FBN3: variants seen among roughly 807,000 people sequenced by gnomAD.
The protein encoded by FBN3 is fibrillin 3.
Under a neutral mutation model 330.1 loss-of-function variants are expected in FBN3, and 234 were observed. The observed-to-expected ratio is 0.71, with a 90% CI of 0.64 to 0.79. The LOEUF is 0.79. Ranked by LOEUF, FBN3 falls within the 30% of genes least tolerant of loss-of-function variation. FBN3 has a pLI of 0.00. For missense variants in FBN3, 3,606 were observed against 3,886.9 expected (o/e 0.93, Z 1.92); for synonymous variants, 1,458 against 1,517.3 (o/e 0.96, Z 0.91).
Position 8,116,881 on chromosome 19 carries a change from C to T in FBN3, c.3587-82G>A, listed in dbSNP as rs576198132. On this transcript the variant is annotated intron_variant, in intron 28 of 63. Coordinates refer to ENST00000600128, the MANE Select transcript of FBN3 (RefSeq NM_032447.5). Reference sequence around the variant, plus strand: ...CACATCTGCTCCCCAGGCCCCAGGACGACCTGTAGCCAGGTGAGGATAGCG... The same window carrying T: ...CACATCTGCTCCCCAGGCCCCAGGATGACCTGTAGCCAGGTGAGGATAGCG... 24 of 1,516,840 alleles carry T rather than the reference C, an allele frequency of 1.6e-5. 1 individual carries two copies. The South Asian group carries it at 2.0e-4, about 13-fold the overall frequency. 94.0% of individuals were successfully genotyped at this position (1,516,840 alleles called of 1,614,324 possible). A position where few individuals can be genotyped will look rare whatever the true frequency, so the allele number is the denominator to read the frequency against.
In FBN3 at chr19:8,109,803, C is replaced by T. The variant is rs566841368; in HGVS notation, c.4334-50G>A. ...AGCAGGGAGCCCCTTCCTCGGCCCC[C>T]CTCCCTCCTAGCTTCATCCTGGGAA... is the stretch of plus-strand genomic sequence containing the variant. On this transcript the variant is annotated intron_variant, in intron 34 of 63. Coordinates refer to ENST00000600128, the MANE Select transcript of FBN3 (RefSeq NM_032447.5). The surrounding 1 kb of genome is among the most constrained non-coding windows in gnomAD (Gnocchi z 5.2). 2.2e-5 allele frequency: 32 copies of T among 1,445,764 alleles called. No homozygotes were observed. The South Asian group carries it at 5.2e-4, about 23-fold the overall frequency. The allele number at this position is 1,445,764 out of a possible 1,614,324, so 89.6% of individuals were successfully genotyped here.
At position 8,133,112 on chromosome 19, in the gene FBN3, G is replaced by A. The variant is rs746121440; in HGVS notation, c.1592-6C>T. ...GGTGGCACACTCGTTGTGGTCTGGG[G>A]ACAACAGCAGAGGCTGGGTCCAGGC... On this transcript the variant is annotated splice_region_variant and splice_polypyrimidine_tract_variant and intron_variant, in intron 13 of 63. Transcript: ENST00000600128. The A allele has an allele frequency of 2.6e-6, 4 of 1,567,406 alleles. No individual in the cohort carries two copies. The highest frequency in any genetic ancestry group is 3.5e-6 in the Non-Finnish European group (4 of 1,157,390).
rs2082535833 is a variant in FBN3 at position 8,109,774 on chromosome 19, C to T, written c.4334-21G>A. ...GATGTCTGTAGGGAGGAAGCGCGGT[C>T]CTCAGCAGGGAGCCCCTTCCTCGGC... is the stretch of plus-strand genomic sequence containing the variant. On this transcript the variant is annotated intron_variant, in intron 34 of 63. Transcript: ENST00000600128. The surrounding 1 kb of genome is among the most constrained non-coding windows in gnomAD (Gnocchi z 5.2). 1 of 1,443,156 alleles carries T rather than the reference C, an allele frequency of 6.9e-7. No individual in the cohort carries two copies. Among genetic ancestry groups the T allele is most frequent in the Admixed American group, 2.6e-5 (1 of 38,178 alleles). 89.4% of individuals were successfully genotyped at this position (1,443,156 alleles called of 1,614,324 possible). A position where few individuals can be genotyped will look rare whatever the true frequency, so the allele number is the denominator to read the frequency against.
chr19:8,119,766 A>C (rs968018496), intron 25 of FBN3, among the ~76,000 whole-genome samples: 14 of 147,798 alleles, frequency 9.5e-5, no homozygotes, highest in Non-Finnish European at 1.8e-4. Context: ...CACCTGCCTC[A>C]GCCTCCCAAA....
At chr19:8,111,572 C>T in intron 32 of FBN3, 76 bp downstream of exon 32, 1 of 1,449,720 alleles carries the variant, frequency 6.9e-7, no homozygotes, top group Non-Finnish European at 9.3e-7. Flanking sequence ...GGTCGAGTGA[C>T]CATGGCAGCC....
chr19:8,093,972 G>A (rs1195059882), intron 47 of FBN3, among the ~76,000 whole-genome samples: 1 of 152,082 alleles, frequency 6.6e-6, no homozygotes. Context: ...TTAGACCACA[G>A]TGAACAAAGC....
At chr19:8,116,990 G>A (rs957506740) in intron 28 of FBN3, among the ~76,000 whole-genome samples, 179 bp downstream of exon 28, 2 of 152,112 alleles carry the variant, frequency 1.3e-5, no homozygotes, top group Non-Finnish European at 2.9e-5. Flanking sequence ...AAAAATCCCA[G>A]GGGCTCTCCC....
In FBN3 at chr19:8,128,812, G is replaced by A. The variant is rs368427889; in HGVS notation, c.2296+216C>T. ...GTGTACAGGATGTTTCTGAGCGTGT[G>A]CATGTGTGTCTTGTGTACACACCTC... On this transcript the variant is annotated intron_variant, in intron 18 of 63. Coordinates refer to ENST00000600128, the MANE Select transcript of FBN3 (RefSeq NM_032447.5). Among the ~76,000 whole-genome samples the A allele has an allele frequency of 3.3e-5, 5 of 152,286 alleles. No individual in the cohort carries two copies. The East Asian group carries it at 9.7e-4, about 29-fold the overall frequency.
At chr19:8,087,783 T>G in intron 53 of FBN3, 42 bp downstream of exon 53, 1 of 1,571,382 alleles carries the variant, frequency 6.4e-7, no homozygotes, top group South Asian at 1.1e-5. Context: ...TAATTTTGTA[T>G]TTTTAGTAGA....
intron 56 of FBN3, among the ~76,000 whole-genome samples, chr19:8,084,942 A>G (rs180981689): frequency 6.9e-4 from 105 of 152,156 alleles, no homozygotes; most frequent in Non-Finnish European, 1.2e-3. Flanking sequence ...GCTGGAGTGC[A>G]GTGGCACTAT....
chr19:8,131,867 G>T lies in FBN3; in HGVS notation c.1715-38C>A, dbSNP rs186663199. On this transcript the variant is annotated intron_variant, in intron 14 of 63. Transcript: ENST00000600128. This position sits in a 1 kb window ranked among gnomAD's most constrained non-coding sequence, Gnocchi z 4.5. Reference sequence around the variant, plus strand: ...TGGCGGCACGGGGATGGGTTCCAGCGTGCTCCCTTCCTCTCTCCCCTCCCC... The same window carrying T: ...TGGCGGCACGGGGATGGGTTCCAGCTTGCTCCCTTCCTCTCTCCCCTCCCC... 68 of 1,520,248 alleles carry T rather than the reference G, an allele frequency of 4.5e-5. No individual in the cohort carries two copies. The highest frequency in any genetic ancestry group is 1.8e-4 in the Middle Eastern group (1 of 5,430). The allele number at this position is 1,520,248 out of a possible 1,614,324, so 94.2% of individuals were successfully genotyped here.
In FBN3 at chr19:8,117,157, G is replaced by A; in HGVS notation, c.3586+12C>T. On this transcript the variant is annotated intron_variant, in intron 28 of 63. Coordinates refer to ENST00000600128, the MANE Select transcript of FBN3 (RefSeq NM_032447.5). Reference sequence around the variant, plus strand: ...CCACACCAGGCAGTGGGAAGAAGTTGTGCCCACCTACCTGCACATGCCCTT... The same window carrying A: ...CCACACCAGGCAGTGGGAAGAAGTTATGCCCACCTACCTGCACATGCCCTT... The A allele has an allele frequency of 6.2e-7, 1 of 1,613,916 alleles. No homozygotes were observed. The highest frequency in any genetic ancestry group is 8.5e-7 in the Non-Finnish European group (1 of 1,179,916).
intron 28 of FBN3, 123 bp downstream of exon 28, chr19:8,117,046 G>C: frequency 7.0e-7 from 1 of 1,433,020 alleles, no homozygotes; most frequent in Admixed American, 2.2e-5. Context: ...GGCCAGGCAG[G>C]GGGTGCCTCG....
chr19:8,087,325 C>T lies in FBN3; in HGVS notation c.6620-114G>A, dbSNP rs148844859. ...GACCTGAGTGAGTTCCCTGCAGACC[C>T]TGTCAAATGTCTATCCCTCTTAGGA... On this transcript the variant is annotated intron_variant, in intron 53 of 63. Coordinates refer to ENST00000600128, the MANE Select transcript of FBN3 (RefSeq NM_032447.5). 1.0e-3 allele frequency: 1,223 copies of T among 1,175,274 alleles called. 10 individuals carry two copies. The East Asian group carries it at 0.017, about 16-fold the overall frequency. 72.8% of individuals were successfully genotyped at this position (1,175,274 alleles called of 1,614,324 possible). A position where few individuals can be genotyped will look rare whatever the true frequency, so the allele number is the denominator to read the frequency against.
chr19:8,083,184 C>G (rs2081846939), intron 57 of FBN3, 63 bp downstream of exon 57: 1 of 1,597,090 alleles, frequency 6.3e-7, no homozygotes, highest in Admixed American at 1.7e-5. Flanking sequence ...AAGTTGAGTT[C>G]AGGGGCTGCA....
intron 41 of FBN3, among the ~76,000 whole-genome samples, chr19:8,099,276 A>ATTTTTTTTTTTTTTTTTTTTTT (rs386388494): frequency 1.0e-5 from 1 of 98,880 alleles, no homozygotes; most frequent in Non-Finnish European, 1.9e-5. Flanking sequence ...TCATGGTTTG[A>ATTTTTTTTTTTTTTTTTTTTTT]TTTTTTTTTT....
intron 10 of FBN3, among the ~76,000 whole-genome samples, chr19:8,137,782 C>T (rs140627745): frequency 1.3e-5 from 2 of 152,204 alleles, no homozygotes; most frequent in Non-Finnish European, 2.9e-5. Context: ...GTGGGCATCA[C>T]CACACCTAGC....
intron 2 of FBN3, 55 bp downstream of exon 2, chr19:8,147,259 C>A: frequency 6.4e-7 from 1 of 1,564,718 alleles, no homozygotes; most frequent in Non-Finnish European, 8.6e-7. Flanking sequence ...CCGCTGGCCC[C>A]AGGACAGCCC....
intron 32 of FBN3, 127 bp downstream of exon 32, chr19:8,111,521 C>T: frequency 9.1e-7 from 1 of 1,102,542 alleles, no homozygotes; most frequent in East Asian, 2.6e-5. Context: ...ACAGCCTCTC[C>T]AGCACCCACA....
Sources: gnomAD v4.1 joint callset for allele counts (sites outside exome capture counted in the v4.1 genomes callset) on GRCh38, gnomAD v4.1.1 for gene constraint, Gnocchi (gnomAD v3.1) non-coding constraint, MANE v1.5 for transcripts, NCBI Gene and HGNC (gene_info 2026-07-23, HGNC 2026-07-21) for gene names.